Variants in CLTB observed in about 807,000 individuals in gnomAD.
The protein encoded by CLTB is clathrin, light chain (Lcb).
CLTB carries 10 observed loss-of-function variants against 30.5 expected under a neutral mutation model. That is an observed-to-expected ratio of 0.33 (90% CI 0.20 to 0.56). The LOEUF (loss-of-function observed/expected upper bound fraction) is 0.56, where lower values mean the gene tolerates loss of function less well. Among genes scored for constraint, CLTB ranks in the 20% least tolerant of loss-of-function variants. The pLI is 0.91. For missense variants in CLTB, 261 were observed against 308.3 expected, an observed-to-expected ratio of 0.85 and a Z score of 1.15; for synonymous variants, 102 against 120.3, an observed-to-expected ratio of 0.85 and a Z score of 1.00.
intron 5 of CLTB, among the ~76,000 whole-genome samples, chr5:176,395,353 A>G (rs1033931378): frequency 6.6e-6 from 1 of 152,144 alleles, no homozygotes; most frequent in African/African-American, 2.4e-5. Context: ...AACACACTCC[A>G]GACCATGAGC....
chr5:176,394,313 C>T (rs1756390767), intron 5 of CLTB, among the ~76,000 whole-genome samples: 1 of 152,224 alleles, frequency 6.6e-6, no homozygotes, highest in South Asian at 2.1e-4. Flanking sequence ...ACCCTTGGGC[C>T]TCCCCACCGT....
Position 176,392,727 on chromosome 5 carries a change from G to A in CLTB, c.*47C>T, listed in dbSNP as rs1171944295. 16 of 1,601,110 alleles carry A rather than the reference G, an allele frequency of 1.0e-5. No homozygotes were observed. Among genetic ancestry groups the A allele is most frequent in the Non-Finnish European group, 1.4e-5 (16 of 1,170,982 alleles). On this transcript the variant is annotated 3_prime_UTR_variant, in exon 6 of 6. Coordinates refer to ENST00000310418, the MANE Select transcript of CLTB (RefSeq NM_007097.5). The surrounding 1 kb of genome is among the most constrained non-coding windows in gnomAD (Gnocchi z 5.2). ...CCCGACCAAAGCAGCTGCTCCTCCT[G>A]TGCCCAGGCCCAGCCCATGCTCTGT...
chr5:176,406,355 G>A lies in CLTB; in HGVS notation c.234+3902C>T, dbSNP rs1159286901. The A allele has an allele frequency of 4.5e-6, 5 of 1,118,132 alleles. No individual in the cohort carries two copies. The African/African-American group carries it at 8.4e-5, about 19-fold the overall frequency. The allele number at this position is 1,118,132 out of a possible 1,614,324, so 69.3% of individuals were successfully genotyped here. ...TAGCTCCCTAGAATCCCTCTCCTGA[G>A]GGGCCCCTCTGCTGGGCCCACCCAT... is the stretch of plus-strand genomic sequence containing the variant. On this transcript the variant is annotated intron_variant, in intron 2 of 5. Coordinates refer to ENST00000310418, the MANE Select transcript of CLTB (RefSeq NM_007097.5).
At chr5:176,396,001 T>G (rs111255225) in intron 5 of CLTB, among the ~76,000 whole-genome samples, 1,867 of 152,122 alleles carry the variant, frequency 0.012, 39 homozygotes, top group African/African-American at 0.042. Flanking sequence ...CGGGCACGGT[T>G]GCATGTGCCT....
chr5:176,412,147 G>T (rs1350533404), intron 1 of CLTB, among the ~76,000 whole-genome samples: 2 of 145,914 alleles, frequency 1.4e-5, no homozygotes, highest in East Asian at 4.0e-4. Context: ...CTGCACTCCA[G>T]CCTGGGCGAC....
In CLTB at chr5:176,397,612, G is replaced by A; in HGVS notation, c.459C>T (p.Asn153=). The A allele has an allele frequency of 6.2e-7, 1 of 1,604,410 alleles. No individual in the cohort carries two copies. ...TGTCCCTACAGCCCTCTCACCGGTT[G>A]TTGATCTTGTTCTTCTCTACTTGTT... ...QSEQVEKNKI[N]NRIADKAFYQ... The change falls in exon 4 of 6, where the codon AAC becomes AAT. Residue 153 remains asparagine (N), a synonymous_variant. Transcript: ENST00000310418.
At position 176,410,266 on chromosome 5, in the gene CLTB, A is replaced by G. The variant is rs1157157129; in HGVS notation, c.225T>C (p.Asp75=). 9 of 1,613,926 alleles carry G rather than the reference A, an allele frequency of 5.6e-6. No individual in the cohort carries two copies. The highest frequency in any genetic ancestry group is 7.6e-6 in the Non-Finnish European group (9 of 1,179,952). The change falls in exon 2 of 6, where the codon GAT becomes GAC. Residue 75 remains aspartate (D), a synonymous_variant. Coordinates refer to ENST00000310418, the MANE Select transcript of CLTB (RefSeq NM_007097.5). Reference sequence around the variant, plus strand: ...ACAGAGCCTTGCTTACCTGAAACACATCTCCATTGACTGTGGTCCCCATGT... The same window carrying G: ...ACAGAGCCTTGCTTACCTGAAACACGTCTCCATTGACTGTGGTCCCCATGT... The part of the protein sequence containing the change: ...SEDMGTTVNG[D]VFQEANGPAD...
Position 176,392,528 on chromosome 5 carries a change from A to G in CLTB, c.*246T>C, listed in dbSNP as rs1377011534. On this transcript the variant is annotated 3_prime_UTR_variant, in exon 6 of 6. Transcript: ENST00000310418. This position sits in a 1 kb window ranked among gnomAD's most constrained non-coding sequence, Gnocchi z 5.2. ...AACAACACACCCTTTAAGCCAAGAAAAAAAATACATCAGGAGGGACAGTCA... is the reference window on the plus strand; with the variant it reads ...AACAACACACCCTTTAAGCCAAGAAGAAAAATACATCAGGAGGGACAGTCA... The G allele has an allele frequency of 4.9e-5, 25 of 513,742 alleles. No individual in the cohort carries two copies. The highest frequency in any genetic ancestry group is 8.3e-5 in the Non-Finnish European group (24 of 287,746). 31.8% of individuals were successfully genotyped at this position (513,742 alleles called of 1,614,324 possible). A position where few individuals can be genotyped will look rare whatever the true frequency, so the allele number is the denominator to read the frequency against.
chr5:176,403,604 C>A (rs970469279), intron 2 of CLTB, among the ~76,000 whole-genome samples: 1 of 151,990 alleles, frequency 6.6e-6, no homozygotes, highest in African/African-American at 2.4e-5. Flanking sequence ...CAGGCGCCCA[C>A]GACCACGCCT....
chr5:176,396,604 G>A lies in CLTB; in HGVS notation c.465-72C>T, dbSNP rs1295871227. On this transcript the variant is annotated intron_variant, in intron 4 of 5. Coordinates refer to ENST00000310418, the MANE Select transcript of CLTB (RefSeq NM_007097.5). The stretch of plus-strand genomic sequence containing the variant: ...GGCAAGACAGACAGGCAGGCAGAAG[G>A]TTAGAGAGAGAGAGAGAGACAGCAT... 1.0e-5 allele frequency: 11 copies of A among 1,065,700 alleles called. No homozygotes were observed. In the African/African-American group the frequency reaches 1.4e-4, roughly 14 times the overall value. 66.0% of individuals were successfully genotyped at this position (1,065,700 alleles called of 1,614,324 possible).
chr5:176,402,172 G>A (rs1003006230), intron 2 of CLTB, among the ~76,000 whole-genome samples: 5 of 152,178 alleles, frequency 3.3e-5, no homozygotes, highest in South Asian at 2.1e-4. Flanking sequence ...TGTGGTGGCG[G>A]ACGCCTGTAA....
intron 2 of CLTB, among the ~76,000 whole-genome samples, chr5:176,402,324 A>G (rs139765912): frequency 6.6e-6 from 1 of 152,292 alleles, no homozygotes; most frequent in East Asian, 1.9e-4. Flanking sequence ...AAAATAAAAT[A>G]AAACATCTGA....
intron 2 of CLTB, among the ~76,000 whole-genome samples, chr5:176,404,660 C>T (rs1355509167): frequency 2.6e-5 from 4 of 152,226 alleles, no homozygotes; most frequent in Non-Finnish European, 4.4e-5. Context: ...CACATCTCCG[C>T]CACCTGCCAC....
At position 176,408,816 on chromosome 5, in the gene CLTB, G is replaced by A. The variant is rs577982877; in HGVS notation, c.234+1441C>T. Among the ~76,000 whole-genome samples the A allele has an allele frequency of 6.6e-5, 10 of 152,332 alleles. No homozygotes were observed. In the East Asian group the frequency reaches 9.6e-4, roughly 15 times the overall value. ...ATTACAGGCGTAAGCCGCCGTGCCC[G>A]GCTGGGTTTTCCTCGTTTTTTGCAG... On this transcript the variant is annotated intron_variant, in intron 2 of 5. Coordinates refer to ENST00000310418, the MANE Select transcript of CLTB (RefSeq NM_007097.5).
In CLTB at chr5:176,394,377, T is replaced by G. The variant is rs113145493; in HGVS notation, c.519-1432A>C. Among the ~76,000 whole-genome samples the G allele has an allele frequency of 5.5e-3, 834 of 152,288 alleles. 9 individuals are homozygous for G. The highest frequency in any genetic ancestry group is 0.019 in the African/African-American group (794 of 41,558). ...GAGACCCCCTGGTAATTCATAGGCATGTGAAAGTTTGAGCCTGGGCGCAGT... is the reference window on the plus strand; with the variant it reads ...GAGACCCCCTGGTAATTCATAGGCAGGTGAAAGTTTGAGCCTGGGCGCAGT... On this transcript the variant is annotated intron_variant, in intron 5 of 5. Transcript: ENST00000310418.
intron 2 of CLTB, among the ~76,000 whole-genome samples, chr5:176,399,321 C>G (rs1232790988): frequency 1.3e-5 from 2 of 152,206 alleles, no homozygotes; most frequent in Admixed American, 6.5e-5. Context: ...TAGCTCAGAT[C>G]ACACCATGGG....
intron 2 of CLTB, chr5:176,406,781 C>G (rs1171891437): frequency 8.7e-7 from 1 of 1,153,616 alleles, no homozygotes; most frequent in African/African-American, 1.6e-5. Flanking sequence ...TGTGCACAGG[C>G]CAAGGTTTCT....
intron 2 of CLTB, chr5:176,402,002 C>A: frequency 3.1e-6 from 1 of 318,410 alleles, no homozygotes; most frequent in Non-Finnish European, 6.2e-6. Context: ...TCATGTCACA[C>A]TTTAAAATAT....
At chr5:176,395,971 C>T (rs1209804281) in intron 5 of CLTB, among the ~76,000 whole-genome samples, 1 of 152,106 alleles carries the variant, frequency 6.6e-6, no homozygotes, top group Non-Finnish European at 1.5e-5. Flanking sequence ...CCCGTCTCTA[C>T]TAAAAATACA....
Sources: gnomAD v4.1 joint callset for allele counts (sites outside exome capture counted in the v4.1 genomes callset) on GRCh38, gnomAD v4.1.1 for gene constraint, Gnocchi (gnomAD v3.1) non-coding constraint, MANE v1.5 for transcripts, NCBI Gene and HGNC (gene_info 2026-07-23, HGNC 2026-07-21) for gene names.